The following ZC3H3 variants were observed in gnomAD, a reference collection of about 807,000 sequenced individuals.
ZC3H3 encodes zinc finger CCCH-type containing 3, also known as zinc finger CCCH domain-containing protein 3.
ZC3H3 carries 36 observed loss-of-function variants against 77.3 expected under a neutral mutation model. The observed-to-expected ratio is 0.47, with a 90% CI of 0.36 to 0.61. ZC3H3 has a LOEUF of 0.61. Ranked by LOEUF, ZC3H3 falls within the 20% of genes least tolerant of loss-of-function variation. The pLI, the probability that ZC3H3 is intolerant of heterozygous loss-of-function variation, is 0.00. For synonymous variants in ZC3H3, 626 were observed against 555.2 expected (o/e 1.13, Z -1.79); for missense variants, 1,331 against 1,312.2 (o/e 1.01, Z -0.22).
At chr8:143,501,729 C>T (rs1016606542) in intron 4 of ZC3H3, among the ~76,000 whole-genome samples, 1 of 147,634 alleles carries the variant, frequency 6.8e-6, no homozygotes, top group African/African-American at 2.5e-5. Context: ...GGCCCCGGGG[C>T]GCTGGTGTGA....
At chr8:143,486,256 C>T (rs1185195915) in intron 4 of ZC3H3, among the ~76,000 whole-genome samples, 1 of 152,262 alleles carries the variant, frequency 6.6e-6, no homozygotes, top group African/African-American at 2.4e-5. Context: ...GAGTGAGAAA[C>T]GTGGGCGCCT....
chr8:143,524,667 TG>T (rs1389810583), intron 3 of ZC3H3, among the ~76,000 whole-genome samples: 1 of 152,260 alleles, frequency 6.6e-6, no homozygotes, highest in Non-Finnish European at 1.5e-5. Flanking sequence ...ACCTGACACC[TG>T]CACTGGGCAG....
chr8:143,474,720 CT>C (rs1231559986), intron 5 of ZC3H3, among the ~76,000 whole-genome samples: 14 of 151,708 alleles, frequency 9.2e-5, no homozygotes, highest in African/African-American at 2.9e-4. Flanking sequence ...CAATCTCCCT[CT>C]TTTTTTTTGA....
chr8:143,522,865 C>T (rs1822294575), intron 3 of ZC3H3, among the ~76,000 whole-genome samples: 1 of 152,146 alleles, frequency 6.6e-6, no homozygotes, highest in East Asian at 1.9e-4. Flanking sequence ...GCAGAGATTA[C>T]AGTGAGATGG....
intron 3 of ZC3H3, among the ~76,000 whole-genome samples, chr8:143,513,400 C>A (rs561365618): frequency 1.3e-5 from 2 of 152,308 alleles, no homozygotes; most frequent in South Asian, 4.1e-4. Context: ...ATCTCCTCTC[C>A]TGCAGCTCGC....
intron 3 of ZC3H3, among the ~76,000 whole-genome samples, chr8:143,509,642 C>T (rs1201450308): frequency 2.0e-5 from 3 of 152,214 alleles, no homozygotes; most frequent in Non-Finnish European, 4.4e-5. Context: ...GAGCCTGGGG[C>T]GATGCTGGCC....
chr8:143,459,866 T>C (rs1820212363), intron 9 of ZC3H3, among the ~76,000 whole-genome samples: 1 of 152,168 alleles, frequency 6.6e-6, no homozygotes, highest in African/African-American at 2.4e-5. Flanking sequence ...TCATATTCAA[T>C]GGTGAAAAAT....
intron 9 of ZC3H3, among the ~76,000 whole-genome samples, chr8:143,464,792 AAG>A (rs1178367735): frequency 6.6e-6 from 1 of 152,140 alleles, no homozygotes; most frequent in Non-Finnish European, 1.5e-5. Flanking sequence ...TGCCAGGGAC[AAG>A]GAGCATCTCC....
At chr8:143,509,010 C>T (rs1293208245) in intron 3 of ZC3H3, among the ~76,000 whole-genome samples, 1 of 152,188 alleles carries the variant, frequency 6.6e-6, no homozygotes, top group Non-Finnish European at 1.5e-5. Context: ...GCCCATCTCT[C>T]CACAGACTCG....
chr8:143,438,152 G>C (rs1819633977), intron 11 of ZC3H3, 65 bp from the exon 12 acceptor site: 1 of 1,564,358 alleles, frequency 6.4e-7, no homozygotes, highest in South Asian at 1.2e-5. Flanking sequence ...AGCCTGCAAA[G>C]CTCCTGATCG....
intron 9 of ZC3H3, among the ~76,000 whole-genome samples, chr8:143,461,782 G>A (rs1400972756): frequency 1.3e-5 from 2 of 152,032 alleles, no homozygotes; most frequent in Non-Finnish European, 2.9e-5. Flanking sequence ...GAAACTTACC[G>A]AGACAGAAGT....
At chr8:143,511,664 G>A (rs1014196213) in intron 3 of ZC3H3, among the ~76,000 whole-genome samples, 10 of 152,172 alleles carry the variant, frequency 6.6e-5, no homozygotes, top group African/African-American at 2.2e-4. Flanking sequence ...CTGAGGTGGA[G>A]ACCCAGAAGG....
chr8:143,437,977 G>T lies in ZC3H3; in HGVS notation c.*79C>A, dbSNP rs2294117. On this transcript the variant is annotated 3_prime_UTR_variant, in exon 12 of 12. Coordinates refer to ENST00000262577, the MANE Select transcript of ZC3H3 (RefSeq NM_015117.3). The stretch of plus-strand genomic sequence containing the variant: ...GCTTGGTGGCGGGCGGCCCTCCTGT[G>T]GGGTAGAGTGGTGGACAGAGCCTCT... The T allele has an allele frequency of 6.4e-7, 1 of 1,556,780 alleles. No homozygotes were observed. Among genetic ancestry groups the T allele is most frequent in the Non-Finnish European group, 8.7e-7 (1 of 1,147,974 alleles).
At chr8:143,537,233 G>A (rs1002406154) in intron 2 of ZC3H3, among the ~76,000 whole-genome samples, 5 of 152,192 alleles carry the variant, frequency 3.3e-5, no homozygotes, top group Non-Finnish European at 5.9e-5. Flanking sequence ...CGGGAGAGAT[G>A]TGCGCCAAGC....
intron 9 of ZC3H3, among the ~76,000 whole-genome samples, chr8:143,441,475 A>G (rs891462105): frequency 2.6e-5 from 4 of 152,142 alleles, no homozygotes; most frequent in African/African-American, 9.7e-5. Flanking sequence ...CCATCCTGGC[A>G]GCACAGAGGG....
In ZC3H3 at chr8:143,460,614, GA is replaced by G. The variant is rs768575806; in HGVS notation, c.2307+5102del. Among the ~76,000 whole-genome samples the G allele has an allele frequency of 7.2e-5, 11 of 152,142 alleles. No homozygotes were observed. The highest frequency in any genetic ancestry group is 1.5e-4 in the Non-Finnish European group (10 of 68,022). On this transcript the variant is annotated intron_variant, in intron 9 of 11. Coordinates refer to ENST00000262577, the MANE Select transcript of ZC3H3 (RefSeq NM_015117.3). The surrounding 1 kb of genome is among the most constrained non-coding windows in gnomAD (Gnocchi z 4.0). ...GCTCAAACAGATACCTGGCTGTCAG[GA>G]ATCACTACAGCACCAGTCACAGTAG...
chr8:143,478,325 C>T (rs184443510), intron 4 of ZC3H3, among the ~76,000 whole-genome samples: 3 of 152,330 alleles, frequency 2.0e-5, no homozygotes, highest in East Asian at 1.9e-4. Context: ...GCTCCCCTCC[C>T]CCAGGGGCAG....
chr8:143,531,329 A>C (rs1278147267), intron 3 of ZC3H3, among the ~76,000 whole-genome samples: 1 of 152,144 alleles, frequency 6.6e-6, no homozygotes, highest in Non-Finnish European at 1.5e-5. Context: ...GAAGAAACGG[A>C]AGGCAAGGGG....
At position 143,442,145 on chromosome 8, in the gene ZC3H3, C is replaced by CTGCTCAGAACCG. The variant is rs1819758356; in HGVS notation, c.2308-1037_2308-1026dup. Among the ~76,000 whole-genome samples the CTGCTCAGAACCG allele has an allele frequency of 2.0e-5, 3 of 152,122 alleles. No homozygotes were observed. The South Asian group carries it at 6.2e-4, about 32-fold the overall frequency. On this transcript the variant is annotated intron_variant, in intron 9 of 11. Coordinates refer to ENST00000262577, the MANE Select transcript of ZC3H3 (RefSeq NM_015117.3). The stretch of plus-strand genomic sequence containing the variant: ...TGTACCTGGGGCTGGCCGTGAGCAC[C>CTGCTCAGAACCG]TGCTCAGAACCGGGCCCTACACTGT...
Sources: allele counts gnomAD v4.1 joint callset (sites outside exome capture counted in the v4.1 genomes callset), GRCh38; gene constraint gnomAD v4.1.1; non-coding constraint Gnocchi (gnomAD v3.1); transcripts MANE v1.5; gene names NCBI Gene and HGNC (gene_info 2026-07-23, HGNC 2026-07-21).